Variants in RBMS3 observed in about 807,000 individuals in gnomAD.
RBMS3 encodes RNA-binding motif, single-stranded-interacting protein 3.
RBMS3 carries 27 observed loss-of-function variants against 66.8 expected under a neutral mutation model. That is an observed-to-expected ratio of 0.40 (90% CI 0.30 to 0.56). RBMS3 has a LOEUF of 0.56. RBMS3 is among the 20% of genes least tolerant of loss of function. RBMS3 has a pLI of 0.40. For synonymous variants in RBMS3, 188 were observed against 183.0 expected (o/e 1.03, Z -0.22); for missense variants, 513 against 549.5 (o/e 0.93, Z 0.66).
At chr3:29,343,707 A>G (rs935353351) in intron 1 of RBMS3, among the ~76,000 whole-genome samples, 4 of 152,194 alleles carry the variant, frequency 2.6e-5, no homozygotes, top group Non-Finnish European at 5.9e-5. Flanking sequence ...CTCATTGTCC[A>G]CTAGAAAACA....
At chr3:29,605,616 A>G (rs1442493021) in intron 4 of RBMS3, among the ~76,000 whole-genome samples, 3 of 151,950 alleles carry the variant, frequency 2.0e-5, no homozygotes, top group Non-Finnish European at 2.9e-5. Context: ...AATGGAAGAT[A>G]ATGTAATATT....
intron 6 of RBMS3, among the ~76,000 whole-genome samples, chr3:29,817,192 C>CTTTTCTTTTT (rs1553677829): frequency 1.1e-4 from 14 of 127,198 alleles, no homozygotes; most frequent in Middle Eastern, 4.4e-3. Context: ...ATTTTCTTTT[C>CTTTTCTTTTT]TTTTTTTTTT....
intron 12 of RBMS3, among the ~76,000 whole-genome samples, chr3:29,959,934 G>C (rs1192258486): frequency 6.6e-6 from 1 of 152,142 alleles, no homozygotes; most frequent in Admixed American, 6.5e-5. Flanking sequence ...GATGAGATTT[G>C]GGTGGGGACA....
intron 4 of RBMS3, among the ~76,000 whole-genome samples, chr3:29,702,137 T>G (rs2052628929): frequency 6.6e-6 from 1 of 152,116 alleles, no homozygotes; most frequent in East Asian, 1.9e-4. Context: ...GGTTTGTAAA[T>G]GCACCAATCA....
chr3:29,895,498 C>T (rs1011902899), intron 8 of RBMS3, among the ~76,000 whole-genome samples: 2 of 151,606 alleles, frequency 1.3e-5, no homozygotes, highest in Admixed American at 6.6e-5. Context: ...TTATATAGTA[C>T]ATACCCTTTT....
At chr3:29,416,768 T>A (rs1161537984) in intron 1 of RBMS3, among the ~76,000 whole-genome samples, 1 of 152,122 alleles carries the variant, frequency 6.6e-6, no homozygotes, top group Non-Finnish European at 1.5e-5. Context: ...GTGATAGGAA[T>A]GTGGTCTCTG....
At chr3:29,479,936 A>G (rs1193846691) in intron 2 of RBMS3, among the ~76,000 whole-genome samples, 2 of 152,206 alleles carry the variant, frequency 1.3e-5, no homozygotes, top group African/African-American at 2.4e-5. Context: ...CCAGGTCCTC[A>G]TGGTCTCTAT....
chr3:29,813,913 A>G (rs1424780563), intron 6 of RBMS3, among the ~76,000 whole-genome samples: 1 of 152,174 alleles, frequency 6.6e-6, no homozygotes, highest in African/African-American at 2.4e-5. Context: ...ATATACAATC[A>G]TGTCGTCTGC....
chr3:29,982,500 G>A (rs1267463565), intron 12 of RBMS3, among the ~76,000 whole-genome samples: 1 of 151,926 alleles, frequency 6.6e-6, no homozygotes, highest in Non-Finnish European at 1.5e-5. Flanking sequence ...TCTTTCAATT[G>A]TGACGTTAGG....
intron 10 of RBMS3, among the ~76,000 whole-genome samples, chr3:29,907,867 A>G (rs2060418199): frequency 6.6e-6 from 1 of 152,064 alleles, no homozygotes; most frequent in African/African-American, 2.4e-5. Context: ...AGATGCATTT[A>G]TTTTACCAAA....
intron 1 of RBMS3, among the ~76,000 whole-genome samples, chr3:29,337,788 T>G (rs1448397875): frequency 6.6e-6 from 1 of 152,144 alleles, no homozygotes; most frequent in Admixed American, 6.6e-5. Context: ...AAAACAACCT[T>G]ACAATACTAC....
At chr3:29,944,863 AAT>A (rs1422050395) in intron 12 of RBMS3, among the ~76,000 whole-genome samples, 9 of 151,750 alleles carry the variant, frequency 5.9e-5, no homozygotes, top group Non-Finnish European at 1.0e-4. Flanking sequence ...TTGATTTGAA[AAT>A]ATGTTAGTGT....
chr3:29,544,841 G>T (rs1348863232), intron 3 of RBMS3, among the ~76,000 whole-genome samples: 1 of 152,106 alleles, frequency 6.6e-6, no homozygotes. Context: ...ACAGATAACA[G>T]ATGGGATTTG....
At chr3:29,403,457 A>G (rs2039892494) in intron 1 of RBMS3, among the ~76,000 whole-genome samples, 1 of 152,082 alleles carries the variant, frequency 6.6e-6, no homozygotes, top group Admixed American at 6.6e-5. Flanking sequence ...CCACTTGCAT[A>G]GCTAACTTTG....
chr3:29,551,891 GT>G (rs2046192202), intron 3 of RBMS3, among the ~76,000 whole-genome samples: 1 of 152,070 alleles, frequency 6.6e-6, no homozygotes, highest in Admixed American at 6.6e-5. Context: ...AGATAGAAAG[GT>G]TTGCCTTCCC....
chr3:29,914,053 A>G (rs934339610), intron 10 of RBMS3, among the ~76,000 whole-genome samples: 1 of 151,922 alleles, frequency 6.6e-6, no homozygotes, highest in Non-Finnish European at 1.5e-5. Flanking sequence ...GACCTCCATT[A>G]TAGATATTAT....
At chr3:29,915,312 A>G (rs2060611667) in intron 10 of RBMS3, among the ~76,000 whole-genome samples, 1 of 151,918 alleles carries the variant, frequency 6.6e-6, no homozygotes, top group African/African-American at 2.4e-5. Flanking sequence ...TACTGATCAT[A>G]GAAGTATGAG....
chr3:29,377,178 ACTT>A (rs936594879), intron 1 of RBMS3, among the ~76,000 whole-genome samples: 3 of 152,046 alleles, frequency 2.0e-5, no homozygotes, highest in African/African-American at 4.8e-5. Context: ...TCTTTTGTTG[ACTT>A]CTTCTTTAGT....
intron 3 of RBMS3, among the ~76,000 whole-genome samples, chr3:29,554,103 A>G (rs1050443915): frequency 2.0e-5 from 3 of 152,194 alleles, no homozygotes; most frequent in African/African-American, 4.8e-5. Flanking sequence ...TATTTTTTCT[A>G]ATTACCACGT....
Sources: allele counts gnomAD v4.1 joint callset (sites outside exome capture counted in the v4.1 genomes callset), GRCh38; gene constraint gnomAD v4.1.1; transcripts MANE v1.5; gene names NCBI Gene and HGNC (gene_info 2026-07-23, HGNC 2026-07-21).